TRIM48: variants seen among roughly 807,000 people sequenced by gnomAD.
TRIM48 encodes the protein tripartite motif containing 48.
In TRIM48, 31 loss-of-function variants were observed where a neutral mutation model predicts 29.5. The observed-to-expected ratio is 1.05, with a 90% CI of 0.79 to 1.42. The LOEUF (loss-of-function observed/expected upper bound fraction) is 1.42, where lower values mean the gene tolerates loss of function less well. TRIM48 is among the 40% of genes most tolerant of loss of function. The pLI is 0.00. For synonymous variants in TRIM48, 128 were observed against 90.6 expected, an observed-to-expected ratio of 1.41 and a Z score of -2.34; for missense variants, 344 against 265.0, an observed-to-expected ratio of 1.30 and a Z score of -2.07.
At chr11:55,268,938 T>C (rs1857434746) in intron 4 of TRIM48, among the ~76,000 whole-genome samples, 1 of 147,288 alleles carries the variant, frequency 6.8e-6, no homozygotes, top group Non-Finnish European at 1.5e-5. Flanking sequence ...GTCAGGGGAG[T>C]CTGCCAAGAA....
intron 4 of TRIM48, among the ~76,000 whole-genome samples, chr11:55,269,011 T>C (rs950555968): frequency 1.4e-5 from 2 of 147,972 alleles, no homozygotes; most frequent in African/African-American, 2.5e-5. Flanking sequence ...ACTTTACACA[T>C]TTGGGGCAAA....
At chr11:55,270,394 C>G (rs1457477694) in intron 5 of TRIM48, 43 bp from the exon 6 acceptor site, 3 of 1,361,730 alleles carry the variant, frequency 2.2e-6, no homozygotes, top group East Asian at 5.5e-5. Context: ...TGCATGTTTT[C>G]TTTCTTTCTT....
At chr11:55,267,288 A>G (rs1335525542) in intron 3 of TRIM48, 1 of 1,206,138 alleles carries the variant, frequency 8.3e-7, no homozygotes, top group Non-Finnish European at 1.1e-6. Context: ...TGTGGATTCT[A>G]AGAACTGGCA....
chr11:55,268,432 G>T (rs371509508), intron 4 of TRIM48, 60 bp downstream of exon 4: 2 of 1,461,626 alleles, frequency 1.4e-6, no homozygotes, highest in Non-Finnish European at 9.4e-7. Context: ...ATCAAAGCAG[G>T]CTCTACCAAA....
chr11:55,268,116 T>C lies in TRIM48; in HGVS notation c.556-234T>C, dbSNP rs1312473989. Among the ~76,000 whole-genome samples, 3 of 147,692 alleles carry C rather than the reference T, an allele frequency of 2.0e-5. 1 individual carries two copies. Among genetic ancestry groups the C allele is most frequent in the East Asian group, 4.3e-4 (2 of 4,658 alleles). On this transcript the variant is annotated intron_variant, in intron 3 of 5. Transcript: ENST00000417545. The stretch of plus-strand genomic sequence containing the variant: ...ATGGAGCATAGACTCTCTGGGCTTC[T>C]TCTCCCTTCACTTTTTGGAGAATGT...
chr11:55,266,522 A>C (rs1410933047), intron 3 of TRIM48, among the ~76,000 whole-genome samples: 1 of 147,584 alleles, frequency 6.8e-6, no homozygotes, highest in Admixed American at 6.9e-5. Context: ...AATGGTCAAC[A>C]TGCAAATATG....
At chr11:55,262,819 T>TAC in intron 1 of TRIM48, among the ~76,000 whole-genome samples, 1 of 7,156 alleles carries the variant, frequency 1.4e-4, no homozygotes, top group Non-Finnish European at 1.1e-3. Flanking sequence ...CAAATAAATA[T>TAC]ATGATATAAT....
chr11:55,270,833 C>A lies in TRIM48; in HGVS notation c.*398C>A. 3 of 1,573,234 alleles carry A rather than the reference C, an allele frequency of 1.9e-6. No homozygotes were observed. The highest frequency in any genetic ancestry group is 2.6e-6 in the Non-Finnish European group (3 of 1,157,056). On this transcript the variant is annotated 3_prime_UTR_variant, in exon 6 of 6. Transcript: ENST00000417545. ...TTATTCCTGGATTGTGAAGCTAGAA[C>A]TGTGAGCTTCGTTGATGTTAGTCAA...
Position 55,268,422 on chromosome 11 carries a change from A to T in TRIM48, c.578+50A>T, listed in dbSNP as rs1488014263. 39 of 1,492,904 alleles carry T rather than the reference A, an allele frequency of 2.6e-5. 11 individuals carry two copies. In the East Asian group the frequency reaches 9.8e-4, roughly 38 times the overall value. The allele number at this position is 1,492,904 out of a possible 1,614,324, so 92.5% of individuals were successfully genotyped here. A position where few individuals can be genotyped will look rare whatever the true frequency, so the allele number is the denominator to read the frequency against. On this transcript the variant is annotated intron_variant, in intron 4 of 5. Transcript: ENST00000417545. ...ATATGTTCTTTCACTTTCCACGAAT[A>T]TCAAAGCAGGCTCTACCAAAGTCAT...
intron 5 of TRIM48, among the ~76,000 whole-genome samples, chr11:55,269,786 A>G (rs2120118109): frequency 6.8e-6 from 1 of 148,012 alleles, no homozygotes; most frequent in Non-Finnish European, 1.5e-5. Flanking sequence ...TGTATTTCCA[A>G]GAAAATTAGT....
intron 5 of TRIM48, among the ~76,000 whole-genome samples, chr11:55,269,795 G>A (rs193218120): frequency 6.8e-6 from 1 of 147,608 alleles, no homozygotes; most frequent in Non-Finnish European, 1.5e-5. Flanking sequence ...AAGAAAATTA[G>A]TTAATGGGTA....
intron 5 of TRIM48, 39 bp downstream of exon 5, chr11:55,269,378 A>C: frequency 6.4e-7 from 1 of 1,559,990 alleles, no homozygotes. Context: ...CACTATCTAA[A>C]TATTATTATT....
chr11:55,264,953 T>C lies in TRIM48; in HGVS notation c.98T>C (p.Ile33Thr), dbSNP rs147593172. Residue 33 changes from isoleucine to threonine, a missense_variant, in exon 2 of 6, where the codon ATC becomes ACC. By Grantham distance (89) the Ile-to-Thr change is moderately conservative. Transcript: ENST00000417545. ...TTCCAGAGGGAACTCACCTGCCCCA[T>C]CTGCATGAACTACTTCATAGACCCG... ...QVFQRELTCP[I>T]CMNYFIDPVT... 4.3e-5 allele frequency: 68 copies of C among 1,584,252 alleles called. 9 individuals carry two copies. In the African/African-American group the frequency reaches 9.0e-4, roughly 21 times the overall value.
intron 5 of TRIM48, 60 bp downstream of exon 5, chr11:55,269,399 C>A (rs538825575): frequency 2.0e-6 from 3 of 1,535,628 alleles, no homozygotes. Flanking sequence ...GTTAGGATCA[C>A]ATAGGTAATA....
chr11:55,268,369 A>G lies in TRIM48; in HGVS notation c.575A>G (p.Tyr192Cys), dbSNP rs200305540. The change falls in exon 4 of 6, where the codon TAC (tyrosine) becomes TGC (cysteine). Residue 192 changes from tyrosine (Y) to cysteine (C), a missense_variant. Physicochemically the swap from Tyr to Cys is radical, Grantham distance 194. Coordinates refer to ENST00000417545, the MANE Select transcript of TRIM48 (RefSeq NM_024114.5). ...SHWKAFGDIL[Y>C]RSESVLLHMP... ...TTACAGGCTTTTGGAGACATATTATACAGGTGAGTATGTACCTGGATTTTA... is the reference window on the plus strand; with the variant it reads ...TTACAGGCTTTTGGAGACATATTATGCAGGTGAGTATGTACCTGGATTTTA... 6.2e-5 allele frequency: 96 copies of G among 1,555,002 alleles called. 5 individuals carry two copies. Among genetic ancestry groups the G allele is most frequent in the Middle Eastern group, 1.7e-4 (1 of 5,844 alleles).
intron 5 of TRIM48, among the ~76,000 whole-genome samples, chr11:55,269,949 G>A (rs143567233): frequency 0.01 from 1,533 of 147,802 alleles, 124 homozygotes; most frequent in African/African-American, 0.035. Context: ...AGAGAGACTG[G>A]TAAAAGATTT....
rs1251223021 is a variant in TRIM48 at position 55,270,951 on chromosome 11, G to T, written c.*516G>T. On this transcript the variant is annotated 3_prime_UTR_variant, in exon 6 of 6. Coordinates refer to ENST00000417545, the MANE Select transcript of TRIM48 (RefSeq NM_024114.5). Reference sequence around the variant, plus strand: ...TTCTCCTCTGACCAGAGACAAATCAGAAATGTGTTCATCTGCTGTGGGAAC... The same window carrying T: ...TTCTCCTCTGACCAGAGACAAATCATAAATGTGTTCATCTGCTGTGGGAAC... 9 of 1,555,122 alleles carry T rather than the reference G, an allele frequency of 5.8e-6. 1 individual carries two copies. The highest frequency in any genetic ancestry group is 7.0e-6 in the Non-Finnish European group (8 of 1,146,266).
rs538452771 is a variant in TRIM48 at position 55,268,084 on chromosome 11, G to C, written c.556-266G>C. ...AAAGATGACCGAGTAGGTTATTCGA[G>C]GTTACCATGGAGCATAGACTCTCTG... On this transcript the variant is annotated intron_variant, in intron 3 of 5. Coordinates refer to ENST00000417545, the MANE Select transcript of TRIM48 (RefSeq NM_024114.5). Among the ~76,000 whole-genome samples the C allele has an allele frequency of 6.3e-4, 93 of 147,730 alleles. 6 individuals are homozygous for C. The highest frequency in any genetic ancestry group is 1.0e-3 in the Non-Finnish European group (69 of 66,856).
At position 55,265,839 on chromosome 11, in the gene TRIM48, G is replaced by A. The variant is rs1229822555; in HGVS notation, c.555+144G>A. The A allele has an allele frequency of 9.1e-6, 10 of 1,098,502 alleles. 1 individual carries two copies. The South Asian group carries it at 1.1e-4, about 12-fold the overall frequency. 68.0% of individuals were successfully genotyped at this position (1,098,502 alleles called of 1,614,324 possible). A position where few individuals can be genotyped will look rare whatever the true frequency, so the allele number is the denominator to read the frequency against. Reference sequence around the variant, plus strand: ...GAGAAGAAAACATTGAGAAAAAATGGTCTCATTTCTTATGTAGAATAGTGT... The same window carrying A: ...GAGAAGAAAACATTGAGAAAAAATGATCTCATTTCTTATGTAGAATAGTGT... On this transcript the variant is annotated intron_variant, in intron 3 of 5. Transcript: ENST00000417545.
Sources: allele counts gnomAD v4.1 joint callset (sites outside exome capture counted in the v4.1 genomes callset), GRCh38; gene constraint gnomAD v4.1.1; transcripts MANE v1.5; gene names NCBI Gene and HGNC (gene_info 2026-07-23, HGNC 2026-07-21).